DPYSL5: variants seen among roughly 807,000 people sequenced by gnomAD.
DPYSL5 encodes the protein dihydropyrimidinase like 5, also known as dihydropyrimidinase-related protein 5.
Under a neutral mutation model 58.4 loss-of-function variants are expected in DPYSL5, and 9 were observed. The observed-to-expected ratio is 0.15, with a 90% confidence interval of 0.09 to 0.27. The LOEUF (loss-of-function observed/expected upper bound fraction) is 0.27. Among genes scored for constraint, DPYSL5 ranks in the 10% least tolerant of loss-of-function variants. The pLI is 1.00. For synonymous variants in DPYSL5, 293 were observed against 301.9 expected, an observed-to-expected ratio of 0.97 and a Z score of 0.31; for missense variants, 499 against 770.6, an observed-to-expected ratio of 0.65 and a Z score of 4.17.
Position 26,898,999 on chromosome 2 carries a change from G to A in DPYSL5, c.261+239G>A, listed in dbSNP as rs1229431943. Among the ~76,000 whole-genome samples, 1 of 152,172 alleles carries A rather than the reference G, an allele frequency of 6.6e-6. No homozygotes were observed. The highest frequency in any genetic ancestry group is 1.9e-4 in the East Asian group (1 of 5,190). The stretch of plus-strand genomic sequence containing the variant: ...TTTGCTAATCAGATCATTTACCCAA[G>A]TACCCAGGCTGAGAACTGATTTTAT... On this transcript the variant is annotated intron_variant, in intron 2 of 12. Transcript: ENST00000288699. The surrounding 1 kb of genome is among the most constrained non-coding windows in gnomAD (Gnocchi z 6.1).
Position 26,923,843 on chromosome 2 carries a change from AGAGAC to A in DPYSL5, c.262-1042_262-1038del, listed in dbSNP as rs906656016. Among the ~76,000 whole-genome samples, 11 of 152,112 alleles carry A rather than the reference AGAGAC, an allele frequency of 7.2e-5. 1 individual carries two copies. The highest frequency in any genetic ancestry group is 2.7e-4 in the African/African-American group (11 of 41,396). Reference sequence around the variant, plus strand: ...ACCCAGCTAATTTCTGTATTTTTGTAGAGACGGGGCTTCACCATGTTGGCCAGGCT... The same window carrying A: ...ACCCAGCTAATTTCTGTATTTTTGTAGGGGCTTCACCATGTTGGCCAGGCT... On this transcript the variant is annotated intron_variant, in intron 2 of 12. Coordinates refer to ENST00000288699, the MANE Select transcript of DPYSL5 (RefSeq NM_020134.4).
At chr2:26,897,344 A>G (rs985029256) in intron 1 of DPYSL5, among the ~76,000 whole-genome samples, 2 of 151,936 alleles carry the variant, frequency 1.3e-5, no homozygotes, top group Non-Finnish European at 2.9e-5. Context: ...CTCTCTCCCT[A>G]CTTTTCTGAG....
chr2:26,870,865 G>A (rs1371254876), intron 1 of DPYSL5, among the ~76,000 whole-genome samples: 2 of 152,174 alleles, frequency 1.3e-5, no homozygotes, highest in Non-Finnish European at 2.9e-5. Context: ...TAAGCCTGCT[G>A]TGTAGTAGTT....
intron 8 of DPYSL5, chr2:26,938,648 C>G (rs779069093): frequency 1.8e-4 from 28 of 152,210 alleles, no homozygotes; most frequent in Admixed American, 7.9e-4. Context: ...AGCTAACTGG[C>G]CATCATCTGA....
chr2:26,901,166 C>T (rs1042582635), intron 2 of DPYSL5, among the ~76,000 whole-genome samples: 4 of 152,178 alleles, frequency 2.6e-5, no homozygotes, highest in Non-Finnish European at 5.9e-5. Context: ...AGCCCCAGTC[C>T]ATGTCAGGCC....
chr2:26,922,361 G>A (rs957526329), intron 2 of DPYSL5, among the ~76,000 whole-genome samples: 1 of 152,240 alleles, frequency 6.6e-6, no homozygotes. Context: ...AGAATTTTAA[G>A]GAACTTGAGG....
At chr2:26,851,026 G>A (rs2148099915) in intron 1 of DPYSL5, among the ~76,000 whole-genome samples, 1 of 152,106 alleles carries the variant, frequency 6.6e-6, no homozygotes, top group African/African-American at 2.4e-5. Context: ...ATATATGCAT[G>A]TGTGTATTTA....
At chr2:26,880,764 G>A (rs936812802) in intron 1 of DPYSL5, among the ~76,000 whole-genome samples, 5 of 152,186 alleles carry the variant, frequency 3.3e-5, no homozygotes, top group African/African-American at 4.8e-5. Context: ...GTCCGTTCCT[G>A]TGGCTGACGC....
At chr2:26,882,090 C>CAAAAAAAAAAAAAAA (rs752138649) in intron 1 of DPYSL5, among the ~76,000 whole-genome samples, 2 of 41,086 alleles carry the variant, frequency 4.9e-5, no homozygotes, top group African/African-American at 1.6e-4. Flanking sequence ...GACTCCATCT[C>CAAAAAAAAAAAAAAA]AAAAAAAAAA....
intron 6 of DPYSL5, among the ~76,000 whole-genome samples, chr2:26,932,133 GAAAGAGAAAGAAAGAAAGAAAGAAAGAA>G (rs1665022839): frequency 1.7e-5 from 2 of 114,800 alleles, no homozygotes; most frequent in African/African-American, 7.4e-5. Flanking sequence ...GAGAAAGAAA[GAAAGAGAAAGAAAGAAAGAAAGAAAGAA>G]AGAAAGAAAG....
chr2:26,899,888 C>T (rs1286820767), intron 2 of DPYSL5, among the ~76,000 whole-genome samples: 1 of 152,160 alleles, frequency 6.6e-6, no homozygotes, highest in Non-Finnish European at 1.5e-5. Context: ...AGAATTCTCC[C>T]GGGCCCTGCA....
chr2:26,921,469 A>C (rs1664701168), intron 2 of DPYSL5, among the ~76,000 whole-genome samples: 1 of 151,600 alleles, frequency 6.6e-6, no homozygotes, highest in Non-Finnish European at 1.5e-5. Context: ...AAGCCTCGGG[A>C]ACACAATTGG....
At chr2:26,881,266 G>T (rs1009840180) in intron 1 of DPYSL5, among the ~76,000 whole-genome samples, 2 of 152,062 alleles carry the variant, frequency 1.3e-5, no homozygotes, top group Non-Finnish European at 2.9e-5. Flanking sequence ...ATCCAGATGC[G>T]ATCAGCCTAG....
rs578077320 is a variant in DPYSL5, at chr2:26,905,214, C to G, written c.261+6454C>G. Among the ~76,000 whole-genome samples the G allele has an allele frequency of 2.0e-5, 3 of 152,298 alleles. No individual in the cohort carries two copies. Among genetic ancestry groups the G allele is most frequent in the African/African-American group, 7.2e-5 (3 of 41,550 alleles). ...AGTAGCTTTATGAAATGCTGCTCCT[C>G]CCTGCAGGAATAACTGATGTCAGCG... On this transcript the variant is annotated intron_variant, in intron 2 of 12. Coordinates refer to ENST00000288699, the MANE Select transcript of DPYSL5 (RefSeq NM_020134.4). The surrounding 1 kb of genome is among the most constrained non-coding windows in gnomAD (Gnocchi z 4.0).
At chr2:26,940,259 C>T (rs1461669345) in intron 9 of DPYSL5, 87 bp downstream of exon 9, 1 of 1,471,322 alleles carries the variant, frequency 6.8e-7, no homozygotes, top group African/African-American at 1.4e-5. Context: ...AGTATTCACT[C>T]CTCAGATCCT....
In DPYSL5 at chr2:26,946,840, GGA is replaced by G. The variant is rs945433209; in HGVS notation, c.1610-66_1610-65del. 4 of 1,252,070 alleles carry G rather than the reference GGA, an allele frequency of 3.2e-6. No homozygotes were observed. In the African/African-American group the frequency reaches 5.9e-5, roughly 18 times the overall value. The allele number at this position is 1,252,070 out of a possible 1,614,324, so 77.6% of individuals were successfully genotyped here. A position where few individuals can be genotyped will look rare whatever the true frequency, so the allele number is the denominator to read the frequency against. On this transcript the variant is annotated intron_variant, in intron 12 of 12. Transcript: ENST00000288699. ...AGGCCATGCACACAGTGAGCCTCCA[GGA>G]GAGGGTGTCTGTGGTTTGTTAGCAG...
chr2:26,923,627 A>G (rs575280393), intron 2 of DPYSL5, among the ~76,000 whole-genome samples: 1 of 151,966 alleles, frequency 6.6e-6, no homozygotes, highest in Non-Finnish European at 1.5e-5. Context: ...CCTCACAAAG[A>G]CTCTCATGTT....
chr2:26,899,092 A>G (rs965442268), intron 2 of DPYSL5, among the ~76,000 whole-genome samples: 3 of 152,196 alleles, frequency 2.0e-5, no homozygotes, highest in African/African-American at 7.2e-5. Context: ...GTTATTAAGT[A>G]GGGGAGTGGG....
chr2:26,850,386 G>A (rs1041119942), intron 1 of DPYSL5, among the ~76,000 whole-genome samples: 1 of 152,100 alleles, frequency 6.6e-6, no homozygotes, highest in African/African-American at 2.4e-5. Flanking sequence ...CTCGCCCGCC[G>A]TCTAAACACC....
Sources: gnomAD v4.1 joint callset for allele counts (sites outside exome capture counted in the v4.1 genomes callset) on GRCh38, gnomAD v4.1.1 for gene constraint, Gnocchi (gnomAD v3.1) non-coding constraint, MANE v1.5 for transcripts, NCBI Gene and HGNC (gene_info 2026-07-23, HGNC 2026-07-21) for gene names.